The following ZNF652 variants were observed in gnomAD, a reference collection of about 807,000 sequenced individuals.
ZNF652 encodes the protein zinc finger protein 652.
In ZNF652, 16 loss-of-function variants were observed where a neutral mutation model predicts 45.2. The observed-to-expected ratio is 0.35, with a 90% CI of 0.24 to 0.54. The LOEUF (loss-of-function observed/expected upper bound fraction) is 0.54. Ranked by LOEUF, ZNF652 falls within the 20% of genes least tolerant of loss-of-function variation. The pLI, the probability that ZNF652 is intolerant of heterozygous loss-of-function variation, is 0.91. For missense variants in ZNF652, 614 were observed against 765.6 expected, an observed-to-expected ratio of 0.80 and a Z score of 2.34; for synonymous variants, 250 against 260.6, an observed-to-expected ratio of 0.96 and a Z score of 0.39.
At position 49,312,045 on chromosome 17, in the gene ZNF652, G is replaced by A; in HGVS notation, c.1049-3C>T. 1 of 1,604,506 alleles carries A rather than the reference G, an allele frequency of 6.2e-7. No individual in the cohort carries two copies. Among genetic ancestry groups the A allele is most frequent in the Non-Finnish European group, 8.5e-7 (1 of 1,172,678 alleles). On this transcript the variant is annotated splice_region_variant and splice_polypyrimidine_tract_variant and intron_variant, in intron 3 of 5. Transcript: ENST00000430262. ...AAATGGCATGTCTTTTGTGTGTGCT[G>A]CAACACAGAATGTACTTAGTGTCAA...
chr17:49,316,388 C>T (rs1040503170), intron 2 of ZNF652, among the ~76,000 whole-genome samples: 1 of 152,190 alleles, frequency 6.6e-6, no homozygotes, highest in African/African-American at 2.4e-5. Flanking sequence ...CGGTCTGAGT[C>T]ATTATGGTTT....
chr17:49,314,474 A>C (rs1476261457), intron 2 of ZNF652, among the ~76,000 whole-genome samples: 2 of 151,950 alleles, frequency 1.3e-5, no homozygotes, highest in Non-Finnish European at 2.9e-5. Flanking sequence ...TGTTTCTTTA[A>C]AAAATTAAAG....
At chr17:49,309,739 A>AT (rs2069683534) in intron 5 of ZNF652, among the ~76,000 whole-genome samples, 1 of 152,064 alleles carries the variant, frequency 6.6e-6, no homozygotes, top group Non-Finnish European at 1.5e-5. Flanking sequence ...TTCAGGTCTA[A>AT]TTTAACTAAT....
chr17:49,360,210 T>G (rs959344891), intron 1 of ZNF652, among the ~76,000 whole-genome samples: 1 of 152,228 alleles, frequency 6.6e-6, no homozygotes, highest in African/African-American at 2.4e-5. Context: ...ATAAGCTACT[T>G]TGTTGTTTAT....
chr17:49,297,350 C>A lies in ZNF652; in HGVS notation c.*1063G>T, dbSNP rs568513663. On this transcript the variant is annotated 3_prime_UTR_variant, in exon 6 of 6. Coordinates refer to ENST00000430262, the MANE Select transcript of ZNF652 (RefSeq NM_001145365.3). Reference sequence around the variant, plus strand: ...ACAGACGTGACTGAGATGAAATGATCTCCACTACTTCCTCCTCCTGTCAGC... The same window carrying A: ...ACAGACGTGACTGAGATGAAATGATATCCACTACTTCCTCCTCCTGTCAGC... 1 of 152,728 alleles carries A rather than the reference C, an allele frequency of 6.5e-6. No homozygotes were observed. The highest frequency in any genetic ancestry group is 1.5e-5 in the Non-Finnish European group (1 of 68,030). 9.5% of individuals were successfully genotyped at this position (152,728 alleles called of 1,614,324 possible).
At position 49,295,937 on chromosome 17, in the gene ZNF652, C is replaced by CAAAAAAAAAACAAAAAAAAAAA. The variant is rs2069468039; in HGVS notation, c.*2475_*2476insTTTTTTTTTTTGTTTTTTTTTT. On this transcript the variant is annotated 3_prime_UTR_variant, in exon 6 of 6. Transcript: ENST00000430262. ...CAGGCAACAGAACAAGACTCTGCCTCAAAAAAAAAAAAAAAAAAAAAAAAA... is the reference window on the plus strand; with the variant it reads ...CAGGCAACAGAACAAGACTCTGCCTCAAAAAAAAAACAAAAAAAAAAAAAAAAAAAAAAAAAAAAAAAAAAAA... 2.0e-4 allele frequency: 10 copies of CAAAAAAAAAACAAAAAAAAAAA among 51,222 alleles called. 1 individual carries two copies. The highest frequency in any genetic ancestry group is 7.4e-4 in the African/African-American group (10 of 13,604). The allele number at this position is 51,222 out of a possible 1,614,324, so 3.2% of individuals were successfully genotyped here.
At chr17:49,362,307 C>G (rs910851953), upstream of ZNF652, 10 of 151,294 alleles carry the variant, frequency 6.6e-5, no homozygotes, top group African/African-American at 2.4e-4. Flanking sequence ...CGCTGGCCCC[C>G]CCGCCCAACG....
At chr17:49,326,479 G>C (rs1279784114) in intron 1 of ZNF652, among the ~76,000 whole-genome samples, 2 of 151,990 alleles carry the variant, frequency 1.3e-5, no homozygotes, top group Admixed American at 1.3e-4. Flanking sequence ...CTCCTAAGGG[G>C]GTATATCCCC....
intron 1 of ZNF652, among the ~76,000 whole-genome samples, chr17:49,359,560 CCGG>C (rs1598322686): frequency 6.6e-6 from 1 of 152,278 alleles, no homozygotes; most frequent in East Asian, 1.9e-4. Context: ...TCCTAAAGAG[CCGG>C]TACTGTGCTT....
chr17:49,330,458 AAT>A (rs2070010896), intron 1 of ZNF652, among the ~76,000 whole-genome samples: 1 of 17,690 alleles, frequency 5.7e-5, no homozygotes, highest in Non-Finnish European at 1.6e-4. Flanking sequence ...GCTAATGTTT[AAT>A]TTTAATTTTA....
At chr17:49,352,137 G>GAC (rs980616168) in intron 1 of ZNF652, among the ~76,000 whole-genome samples, 1 of 152,010 alleles carries the variant, frequency 6.6e-6, no homozygotes, top group Non-Finnish European at 1.5e-5. Flanking sequence ...AACTCCAATG[G>GAC]ACAAACTGTA....
intron 1 of ZNF652, among the ~76,000 whole-genome samples, chr17:49,337,786 C>T (rs894920966): frequency 3.3e-5 from 5 of 152,048 alleles, no homozygotes; most frequent in South Asian, 2.1e-4. Flanking sequence ...ATACACTAAG[C>T]GCTGTCTGTC....
At chr17:49,303,531 C>T (rs1464402633) in intron 5 of ZNF652, among the ~76,000 whole-genome samples, 1 of 152,116 alleles carries the variant, frequency 6.6e-6, no homozygotes, top group Non-Finnish European at 1.5e-5. Flanking sequence ...TGAGCCACTG[C>T]GCCTGGCCAT....
At chr17:49,321,813 G>T (rs2069897056) in intron 1 of ZNF652, among the ~76,000 whole-genome samples, 1 of 152,188 alleles carries the variant, frequency 6.6e-6, no homozygotes, top group South Asian at 2.1e-4. Context: ...AGCTATCGCA[G>T]AAGGTAGATA....
intron 1 of ZNF652, among the ~76,000 whole-genome samples, chr17:49,330,905 CAAACAAAA>C (rs2070016047): frequency 6.6e-6 from 1 of 150,620 alleles, no homozygotes; most frequent in African/African-American, 2.4e-5. Flanking sequence ...AACAAACAAA[CAAACAAAA>C]ACCAAAAAAC....
At chr17:49,318,025 C>A in intron 1 of ZNF652, 42 bp from the exon 2 acceptor site, 1 of 241,622 alleles carries the variant, frequency 4.1e-6, no homozygotes, top group Non-Finnish European at 7.9e-6. Context: ...GGTAATACCA[C>A]TATTTCCTTT....
At chr17:49,316,132 C>T (rs1043783606) in intron 2 of ZNF652, among the ~76,000 whole-genome samples, 4 of 152,344 alleles carry the variant, frequency 2.6e-5, no homozygotes, top group Admixed American at 1.3e-4. Context: ...TAGCATACCT[C>T]TTTAACCTAT....
intron 1 of ZNF652, among the ~76,000 whole-genome samples, chr17:49,333,545 TAAAAAAAAAAAA>T (rs1182199037): frequency 1.0e-4 from 5 of 48,110 alleles, no homozygotes; most frequent in African/African-American, 4.8e-4. Context: ...CTGTCTCTAC[TAAAAAAAAAAAA>T]AAAAAAAAAA....
At chr17:49,312,119 G>A in intron 3 of ZNF652, 77 bp from the exon 4 acceptor site, 2 of 576,236 alleles carry the variant, frequency 3.5e-6, no homozygotes, top group East Asian at 4.5e-5. Flanking sequence ...CTACTGTAAA[G>A]CAATTAGGCC....
Sources: allele counts gnomAD v4.1 joint callset (sites outside exome capture counted in the v4.1 genomes callset), GRCh38; gene constraint gnomAD v4.1.1; transcripts MANE v1.5; gene names NCBI Gene and HGNC (gene_info 2026-07-23, HGNC 2026-07-21).